The following TANC1 variants were observed in gnomAD, a reference collection of about 807,000 sequenced individuals.
The protein encoded by TANC1 is tetratricopeptide repeat, ankyrin repeat and coiled-coil containing 1, also known as protein TANC1.
Under a neutral mutation model 149.7 loss-of-function variants are expected in TANC1, and 77 were observed. The ratio of observed to expected loss-of-function variants is 0.51; its 90% CI spans 0.43 to 0.62. The LOEUF (loss-of-function observed/expected upper bound fraction) is 0.62. Among genes scored for constraint, TANC1 ranks in the 20% least tolerant of loss-of-function variants. The pLI is 0.00. For synonymous variants in TANC1, 854 were observed against 925.0 expected (o/e 0.92, Z 1.39); for missense variants, 1,985 against 2,321.8 (o/e 0.85, Z 2.98).
chr2:158,981,491 T>TAATATATATATA (rs1479047653), intron 1 of TANC1, among the ~76,000 whole-genome samples: 1 of 34,344 alleles, frequency 2.9e-5, no homozygotes, highest in African/African-American at 7.7e-5. Context: ...TATATAGCTT[T>TAATATATATATA]TATATATATA....
chr2:159,055,168 G>C (rs1479638203), intron 2 of TANC1, among the ~76,000 whole-genome samples: 1 of 152,210 alleles, frequency 6.6e-6, no homozygotes, highest in Non-Finnish European at 1.5e-5. Flanking sequence ...ATTGGGACTT[G>C]GGTTTCCGGT....
chr2:159,136,049 T>TGTGTGTGTGAGA, intron 4 of TANC1, 145 bp from the exon 5 acceptor site: 2 of 90,882 alleles, frequency 2.2e-5, no homozygotes. Context: ...TGTGTGTGTG[T>TGTGTGTGTGAGA]GCGCGCGCGC....
rs1205773977 is a variant in TANC1 at position 159,176,683 on chromosome 2, C to A, written c.1902+165C>A. ...GAGCCAGACTTGGGTGAAACTCTGA[C>A]CTTTTTAGCCCCAGGTATATTTATC... On this transcript the variant is annotated intron_variant, in intron 13 of 26. Coordinates refer to ENST00000263635, the MANE Select transcript of TANC1 (RefSeq NM_033394.3). Among the ~76,000 whole-genome samples the A allele has an allele frequency of 2.6e-4, 40 of 152,144 alleles. 1 individual carries two copies. Among genetic ancestry groups the A allele is most frequent in the Admixed American group, 2.6e-3 (40 of 15,272 alleles).
intron 24 of TANC1, chr2:159,226,272 CTT>C (rs1177891646): frequency 5.9e-6 from 1 of 170,858 alleles, no homozygotes; most frequent in Non-Finnish European, 1.2e-5. Context: ...AAGCACCTCT[CTT>C]TGTGTCTGAG....
At chr2:159,056,178 T>A in intron 2 of TANC1, 2 of 239,188 alleles carry the variant, frequency 8.4e-6, no homozygotes, top group Non-Finnish European at 1.8e-5. Context: ...ACGTCATAGA[T>A]GGGAAAATCC....
chr2:159,047,185 A>AT (rs2041128958), intron 2 of TANC1, among the ~76,000 whole-genome samples: 1 of 132,246 alleles, frequency 7.6e-6, no homozygotes, highest in Non-Finnish European at 1.8e-5. Flanking sequence ...AACTGAACTC[A>AT]TTTCCCCCCC....
In TANC1 at chr2:159,169,296, G is replaced by A; in HGVS notation, c.993G>A (p.Gln331=). ...KLEDLSYLDG[Q]RNAPLRTSIR... ...AAGATCTGAGTTATTTAGACGGGCAGAGAAATGCTCCTCTACGGACGTCAA... is the reference window on the plus strand; with the variant it reads ...AAGATCTGAGTTATTTAGACGGGCAAAGAAATGCTCCTCTACGGACGTCAA... Residue 331 remains glutamine, a synonymous_variant, in exon 9 of 27, where the codon CAG becomes CAA. Transcript: ENST00000263635. 6.2e-7 allele frequency: 1 copy of A among 1,613,804 alleles called. No homozygotes were observed.
intron 2 of TANC1, among the ~76,000 whole-genome samples, chr2:159,043,196 G>T (rs1025648592): frequency 6.6e-6 from 1 of 152,112 alleles, no homozygotes; most frequent in Non-Finnish European, 1.5e-5. Flanking sequence ...GGGATTTTTG[G>T]GGAGGTCAGA....
chr2:159,124,586 G>A (rs1354240394), intron 4 of TANC1, among the ~76,000 whole-genome samples: 1 of 152,132 alleles, frequency 6.6e-6, no homozygotes, highest in Admixed American at 6.5e-5. Context: ...GTGGCTTAAG[G>A]CCTACTTCCT....
At chr2:159,035,245 A>G (rs1296172021) in intron 2 of TANC1, among the ~76,000 whole-genome samples, 1 of 152,182 alleles carries the variant, frequency 6.6e-6, no homozygotes, top group Non-Finnish European at 1.5e-5. Context: ...TAGATCTGAA[A>G]AGAAAAAGCT....
intron 2 of TANC1, among the ~76,000 whole-genome samples, chr2:159,042,421 C>T (rs2149535529): frequency 6.6e-6 from 1 of 152,186 alleles, no homozygotes; most frequent in South Asian, 2.1e-4. Flanking sequence ...AGGACACTTC[C>T]CAGGGAGATA....
chr2:159,159,713 TGTGTGAGAGA>T (rs1483827998), intron 7 of TANC1, among the ~76,000 whole-genome samples: 18 of 65,648 alleles, frequency 2.7e-4, no homozygotes, highest in Admixed American at 2.1e-3. Context: ...TGTGTGTGTG[TGTGTGAGAGA>T]GAGAGAGAGA....
chr2:159,193,673 A>G (rs1285404179), intron 16 of TANC1, among the ~76,000 whole-genome samples: 1 of 151,762 alleles, frequency 6.6e-6, no homozygotes, highest in South Asian at 2.1e-4. Context: ...ACAGGCACAC[A>G]CCACCACGCC....
At chr2:159,117,467 C>T (rs1043761357) in intron 4 of TANC1, among the ~76,000 whole-genome samples, 2 of 149,842 alleles carry the variant, frequency 1.3e-5, no homozygotes, top group Non-Finnish European at 3.0e-5. Flanking sequence ...GCAATCTCGG[C>T]TCACTGCAAG....
At chr2:159,012,511 G>A (rs1039301063) in intron 2 of TANC1, among the ~76,000 whole-genome samples, 16 of 151,820 alleles carry the variant, frequency 1.1e-4, no homozygotes, top group South Asian at 4.1e-4. Flanking sequence ...CTATTGTGGC[G>A]GTTGAAGTCT....
At chr2:159,220,133 A>G (rs2059607334) in intron 22 of TANC1, among the ~76,000 whole-genome samples, 2 of 152,144 alleles carry the variant, frequency 1.3e-5, no homozygotes, top group Non-Finnish European at 1.5e-5. Context: ...CAAATAGCAC[A>G]TACAACAGAC....
At chr2:159,051,882 A>C (rs1483659137) in intron 2 of TANC1, among the ~76,000 whole-genome samples, 1 of 152,168 alleles carries the variant, frequency 6.6e-6, no homozygotes, top group South Asian at 2.1e-4. Flanking sequence ...CTAACCATGA[A>C]AACAAAAACC....
At chr2:159,213,481 GTATTTATGTCAGTTTTACA>G (rs2059139476) in intron 19 of TANC1, among the ~76,000 whole-genome samples, 1 of 151,102 alleles carries the variant, frequency 6.6e-6, no homozygotes, top group Admixed American at 6.6e-5. Context: ...TCTGCTAATG[GTATTTATGTCAGTTTTACA>G]TACCGACACG....
chr2:158,991,652 G>A (rs149341057), intron 1 of TANC1, among the ~76,000 whole-genome samples: 6 of 152,014 alleles, frequency 3.9e-5, no homozygotes, highest in East Asian at 1.9e-4. Context: ...AGGCTGAGGC[G>A]GGAGAATGGC....
Sources: allele counts gnomAD v4.1 joint callset (sites outside exome capture counted in the v4.1 genomes callset), GRCh38; gene constraint gnomAD v4.1.1; transcripts MANE v1.5; gene names NCBI Gene and HGNC (gene_info 2026-07-23, HGNC 2026-07-21).